Variants in CEP152 observed in about 807,000 individuals in gnomAD.
CEP152 encodes centrosomal protein of 152 kDa.
CEP152 carries 132 observed loss-of-function variants against 188.9 expected under a neutral mutation model. That is an observed-to-expected ratio of 0.70 (90% confidence interval 0.61 to 0.81). The LOEUF (loss-of-function observed/expected upper bound fraction) is 0.81, where lower values mean the gene tolerates loss of function less well. Among genes scored for constraint, CEP152 ranks in the 30% least tolerant of loss-of-function variants. The pLI is 0.00. For synonymous variants in CEP152, 649 were observed against 666.6 expected, an observed-to-expected ratio of 0.97 and a Z score of 0.41; for missense variants, 1,914 against 1,969.8, an observed-to-expected ratio of 0.97 and a Z score of 0.54.
chr15:48,772,618 G>C lies in CEP152; in HGVS notation c.1651C>G (p.Gln551Glu). The change falls in exon 13 of 27, where the codon CAG becomes GAG. Residue 551 changes from glutamine (Q) to glutamate (E), a missense_variant. By Grantham distance (29) the Gln-to-Glu change is conservative. Coordinates refer to ENST00000380950, the MANE Select transcript of CEP152 (RefSeq NM_001194998.2). The stretch of plus-strand genomic sequence containing the variant: ...ATTGAGTTGCTACCCAGCAAACGCT[G>C]TACTTCTGCCTTTAACTTCAGAATG... ...EFILKLKAEV[Q>E]RLLGSNSMKR... 6.2e-7 allele frequency: 1 copy of C among 1,614,072 alleles called. No homozygotes were observed.
At chr15:48,750,249 TAGCTGGCACAG>T (rs1893775444) in intron 21 of CEP152, among the ~76,000 whole-genome samples, 1 of 152,138 alleles carries the variant, frequency 6.6e-6, no homozygotes, top group African/African-American at 2.4e-5. Context: ...TTTGGCACAG[TAGCTGGCACAG>T]AGCAAGTACA....
chr15:48,797,280 A>C (rs1251172977), intron 5 of CEP152, 21 bp downstream of exon 5: 1 of 1,613,468 alleles, frequency 6.2e-7, no homozygotes, highest in Non-Finnish European at 8.5e-7. Flanking sequence ...CAAGTTCTTG[A>C]AAGTCAAGTT....
At chr15:48,745,908 C>T (rs1263187866) in intron 22 of CEP152, among the ~76,000 whole-genome samples, 3 of 152,144 alleles carry the variant, frequency 2.0e-5, no homozygotes, top group Non-Finnish European at 2.9e-5. Flanking sequence ...ACAACACCTA[C>T]ACAAGGCCTG....
At chr15:48,737,084 TC>T (rs1338999876), downstream of CEP152, among the ~76,000 whole-genome samples, 13 of 152,286 alleles carry the variant, frequency 8.5e-5, no homozygotes, top group South Asian at 2.7e-3. Context: ...GACTTATTTA[TC>T]CCTGGTCAAG....
chr15:48,756,804 G>A (rs1894313932), intron 19 of CEP152, among the ~76,000 whole-genome samples: 1 of 151,926 alleles, frequency 6.6e-6, no homozygotes, highest in Admixed American at 6.6e-5. Flanking sequence ...TATATAATTA[G>A]CCAAAACTAA....
chr15:48,788,423 T>C (rs139894969), intron 9 of CEP152, among the ~76,000 whole-genome samples: 1 of 140,500 alleles, frequency 7.1e-6, no homozygotes, highest in Admixed American at 7.7e-5. Flanking sequence ...AACCTCTGCC[T>C]CCCGGGTTCA....
intron 12 of CEP152, 72 bp from the exon 13 acceptor site, chr15:48,772,763 T>C (rs1176756376): frequency 9.3e-6 from 12 of 1,293,498 alleles, no homozygotes; most frequent in Non-Finnish European, 1.3e-5. Flanking sequence ...CTAAAAGCAC[T>C]GACCACAGTG....
intron 18 of CEP152, among the ~76,000 whole-genome samples, chr15:48,760,533 C>T (rs887204836): frequency 2.0e-5 from 3 of 152,098 alleles, no homozygotes; most frequent in Non-Finnish European, 2.9e-5. Flanking sequence ...AAGTGTCATA[C>T]GAGGTACCAA....
intron 12 of CEP152, among the ~76,000 whole-genome samples, chr15:48,777,036 T>G (rs539951526): frequency 2.6e-5 from 4 of 152,214 alleles, no homozygotes; most frequent in African/African-American, 9.6e-5. Flanking sequence ...ACAAGCTTCC[T>G]ACAAAATACT....
At chr15:48,768,129 A>AT in intron 15 of CEP152, 90 bp downstream of exon 15, 1 of 796,182 alleles carries the variant, frequency 1.3e-6, no homozygotes, top group African/African-American at 1.7e-5. Flanking sequence ...TCACTCAATC[A>AT]TTTTGAATCT....
chr15:48,778,225 G>T (rs1896039297), intron 12 of CEP152, among the ~76,000 whole-genome samples: 1 of 152,206 alleles, frequency 6.6e-6, no homozygotes, highest in South Asian at 2.1e-4. Context: ...GGAGGAGGTA[G>T]TTGGTAATAA....
At chr15:48,789,631 G>T (rs1896884193) in intron 8 of CEP152, among the ~76,000 whole-genome samples, 1 of 152,212 alleles carries the variant, frequency 6.6e-6, no homozygotes, top group Non-Finnish European at 1.5e-5. Context: ...GGATTATCCA[G>T]GTGGGCCCAA....
In CEP152 at chr15:48,772,512, T is replaced by C. The variant is rs1287639799; in HGVS notation, c.1757A>G (p.Lys586Arg). The change falls in exon 13 of 27, where the codon AAG (lysine) becomes AGG (arginine). Residue 586 changes from lysine (K) to arginine (R), a missense_variant. Transcript: ENST00000380950. Reference protein sequence around the residue: ...KKIEDLHQVKKDEKSIEVETK... With the variant: ...KKIEDLHQVKRDEKSIEVETK... ...CTCAACCTCAATGCTTTTTTCATCC[T>C]TCTTCACTTGGTGGAGATCTTCAAT... 7.4e-6 allele frequency: 12 copies of C among 1,613,134 alleles called. No homozygotes were observed. Among genetic ancestry groups the C allele is most frequent in the Non-Finnish European group, 1.0e-5 (12 of 1,179,972 alleles).
chr15:48,801,952 C>A lies in CEP152; in HGVS notation c.87+3611G>T, dbSNP rs148383387. 7.1e-3 allele frequency among the ~76,000 whole-genome samples: 1,073 copies of A among 152,158 alleles called. 12 individuals are homozygous for A. Among genetic ancestry groups the A allele is most frequent in the Non-Finnish European group, 0.012 (810 of 67,992 alleles). ...CTACTAAAAATACAAAAAAAATTAGCCAGGCATGGTGGTGCATGCCTCTAA... is the reference window on the plus strand; with the variant it reads ...CTACTAAAAATACAAAAAAAATTAGACAGGCATGGTGGTGCATGCCTCTAA... On this transcript the variant is annotated intron_variant, in intron 2 of 26. Transcript: ENST00000380950.
chr15:48,784,440 T>C (rs1280379307), intron 9 of CEP152, among the ~76,000 whole-genome samples: 2 of 152,252 alleles, frequency 1.3e-5, no homozygotes, highest in East Asian at 1.9e-4. Context: ...GAAAATGTAT[T>C]ACATTCCTAT....
intron 20 of CEP152, among the ~76,000 whole-genome samples, chr15:48,753,939 CTTTTG>C (rs1202794832): frequency 9.9e-5 from 15 of 152,090 alleles, no homozygotes; most frequent in South Asian, 2.1e-4. Flanking sequence ...AATAAACCAT[CTTTTG>C]TTTTAATTTC....
Position 48,756,017 on chromosome 15 carries a change from A to G in CEP152, c.3231T>C (p.Cys1077=), listed in dbSNP as rs1894231455. 2 of 1,614,112 alleles carry G rather than the reference A, an allele frequency of 1.2e-6. No homozygotes were observed. Among genetic ancestry groups the G allele is most frequent in the Non-Finnish European group, 1.7e-6 (2 of 1,179,978 alleles). The stretch of plus-strand genomic sequence containing the variant: ...ATTGCACAGACATCCATTTTGAAGA[A>G]CAAGTCGACATGATTTCCAAAAGCT... ...DKQLLEIMST[C]SSKWMSVQYF... Residue 1077 remains cysteine (C), a synonymous_variant, in exon 20 of 27, where the codon TGT becomes TGC. Transcript: ENST00000380950.
intron 12 of CEP152, among the ~76,000 whole-genome samples, chr15:48,778,050 C>T (rs1567009537): frequency 6.6e-6 from 1 of 152,158 alleles, no homozygotes; most frequent in Non-Finnish European, 1.5e-5. Flanking sequence ...AGGGAAAAGG[C>T]ATTCCACTTG....
chr15:48,795,748 C>T (rs1269832855), intron 6 of CEP152, among the ~76,000 whole-genome samples: 2 of 152,110 alleles, frequency 1.3e-5, no homozygotes. Flanking sequence ...GAACTCATGG[C>T]CAATTTGGCC....
Sources: gnomAD v4.1 joint callset for allele counts (sites outside exome capture counted in the v4.1 genomes callset) on GRCh38, gnomAD v4.1.1 for gene constraint, MANE v1.5 for transcripts, NCBI Gene and HGNC (gene_info 2026-07-23, HGNC 2026-07-21) for gene names.